The following FBXW7 variants were observed in gnomAD, a reference collection of about 807,000 sequenced individuals.
The protein encoded by FBXW7 is F-box/WD repeat-containing protein 7.
A neutral mutation model predicts 86.3 loss-of-function variants in FBXW7; 11 were observed. The ratio of observed to expected loss-of-function variants is 0.13; its 90% confidence interval spans 0.08 to 0.21. The LOEUF (loss-of-function observed/expected upper bound fraction) is 0.21. Ranked by LOEUF, FBXW7 falls within the 10% of genes least tolerant of loss-of-function variation. The pLI is 1.00. For missense variants in FBXW7, 488 were observed against 847.4 expected, an observed-to-expected ratio of 0.58 and a Z score of 5.27; for synonymous variants, 313 against 297.9, an observed-to-expected ratio of 1.05 and a Z score of -0.52.
In FBXW7 at chr4:152,505,146, T is replaced by G. The variant is rs138445719; in HGVS notation, c.-120+29795A>C. 4.8e-4 allele frequency among the ~76,000 whole-genome samples: 73 copies of G among 152,280 alleles called. 4 individuals carry two copies. The highest frequency in any genetic ancestry group is 4.2e-3 in the Admixed American group (64 of 15,294). ...TGTAGCACAATGATATTAACACATC[T>G]AAATATATAAAAGGTATATTAAAAA... On this transcript the variant is annotated intron_variant, in intron 2 of 13. Coordinates refer to ENST00000281708, the MANE Select transcript of FBXW7 (RefSeq NM_001349798.2).
intron 2 of FBXW7, among the ~76,000 whole-genome samples, chr4:152,424,199 A>G (rs1739180532): frequency 6.6e-6 from 1 of 151,984 alleles, no homozygotes; most frequent in African/African-American, 2.4e-5. Context: ...GTACATTGGG[A>G]TTCGGCAGTA....
At chr4:152,513,337 A>G (rs961907302) in intron 2 of FBXW7, among the ~76,000 whole-genome samples, 2 of 152,370 alleles carry the variant, frequency 1.3e-5, no homozygotes, top group African/African-American at 4.8e-5. Flanking sequence ...TGGTTTAGCA[A>G]TGAGTACATA....
chr4:152,355,603 T>C (rs1419887632), intron 4 of FBXW7, among the ~76,000 whole-genome samples: 1 of 152,116 alleles, frequency 6.6e-6, no homozygotes, highest in East Asian at 1.9e-4. Flanking sequence ...TTTCTCCCAT[T>C]CTATAAAAAA....
intron 2 of FBXW7, among the ~76,000 whole-genome samples, chr4:152,481,751 G>C (rs1744900496): frequency 6.6e-6 from 1 of 152,170 alleles, no homozygotes; most frequent in Non-Finnish European, 1.5e-5. Context: ...GATAGAAATA[G>C]CAAGAGAACT....
chr4:152,328,103 A>T (rs1014744277), intron 11 of FBXW7, 105 bp downstream of exon 11: 1 of 900,716 alleles, frequency 1.1e-6, no homozygotes, highest in Non-Finnish European at 1.7e-6. Context: ...AATTAAATCT[A>T]ATTTAAGAGC....
At chr4:152,517,085 A>C (rs978954853) in intron 2 of FBXW7, among the ~76,000 whole-genome samples, 1 of 152,170 alleles carries the variant, frequency 6.6e-6, no homozygotes, top group Non-Finnish European at 1.5e-5. Context: ...AGCCTCCCAA[A>C]GTGCTAGGAT....
In FBXW7 at chr4:152,432,928, C is replaced by T. The variant is rs180739052; in HGVS notation, c.-119-20399G>A. 4.6e-5 allele frequency among the ~76,000 whole-genome samples: 7 copies of T among 152,270 alleles called. 1 individual carries two copies. Among genetic ancestry groups the T allele is most frequent in the Admixed American group, 4.6e-4 (7 of 15,288 alleles). ...TTAGATAACTACTGTTCCATCAGTG[C>T]AGATTAGTTTTGTGGATTTTGAAAC... On this transcript the variant is annotated intron_variant, in intron 2 of 13. Transcript: ENST00000281708.
intron 2 of FBXW7, among the ~76,000 whole-genome samples, chr4:152,498,267 T>G (rs893322604): frequency 6.7e-5 from 10 of 148,582 alleles, no homozygotes; most frequent in Non-Finnish European, 1.3e-4. Flanking sequence ...CTAGGAAGCA[T>G]GAGAGAAATA....
chr4:152,357,080 C>T (rs1354952900), intron 4 of FBXW7, among the ~76,000 whole-genome samples: 2 of 151,950 alleles, frequency 1.3e-5, no homozygotes, highest in Non-Finnish European at 2.9e-5. Context: ...ACAAGATGAG[C>T]CAGCTTTAGT....
intron 4 of FBXW7, among the ~76,000 whole-genome samples, chr4:152,386,421 G>GT (rs1735532257): frequency 6.6e-6 from 1 of 151,960 alleles, no homozygotes; most frequent in African/African-American, 2.4e-5. Flanking sequence ...CTCACATCTA[G>GT]TAAGTGTTCG....
intron 2 of FBXW7, among the ~76,000 whole-genome samples, chr4:152,509,044 G>A (rs551036840): frequency 6.6e-6 from 1 of 152,136 alleles, no homozygotes; most frequent in South Asian, 2.1e-4. Flanking sequence ...CAAAATTACT[G>A]ACCAGTACTC....
At chr4:152,387,909 T>G (rs1377091471) in intron 4 of FBXW7, among the ~76,000 whole-genome samples, 1 of 151,770 alleles carries the variant, frequency 6.6e-6, no homozygotes, top group African/African-American at 2.4e-5. Flanking sequence ...AGGGTTTTAC[T>G]ATGTTGGCCA....
intron 2 of FBXW7, among the ~76,000 whole-genome samples, chr4:152,486,605 G>T (rs925955925): frequency 6.6e-6 from 1 of 151,972 alleles, no homozygotes; most frequent in African/African-American, 2.4e-5. Context: ...AAGGTCTTCA[G>T]GGACAATAAC....
rs2126525386 is a variant in FBXW7 at position 152,329,717 on chromosome 4, A to T, written c.1191T>A (p.Gly397=). 6.3e-7 allele frequency: 1 copy of T among 1,589,534 alleles called. No homozygotes were observed. The highest frequency in any genetic ancestry group is 8.5e-7 in the Non-Finnish European group (1 of 1,169,652). The change falls in exon 10 of 14, where the codon GGT becomes GGA. Residue 397 remains glycine (G), a synonymous_variant. Transcript: ENST00000281708. ...LQFCGNRIVS[G]SDDNTLKVWS... is the part of the protein sequence containing the mutation. ...AAACTTTTAAAGTGTTGTCATCAGA[A>T]CCACTAACTATTCGGTTACCACAAA...
intron 4 of FBXW7, among the ~76,000 whole-genome samples, chr4:152,359,813 T>C (rs1732759127): frequency 6.6e-6 from 1 of 152,030 alleles, no homozygotes; most frequent in African/African-American, 2.4e-5. Flanking sequence ...AAAGCAATAC[T>C]GGACTATATA....
chr4:152,395,343 C>T (rs887741634), intron 4 of FBXW7, among the ~76,000 whole-genome samples: 2 of 152,026 alleles, frequency 1.3e-5, no homozygotes, highest in African/African-American at 4.8e-5. Context: ...TAAGAGTGGA[C>T]AACCTATATC....
intron 2 of FBXW7, among the ~76,000 whole-genome samples, chr4:152,427,480 G>A (rs1739490156): frequency 6.6e-6 from 1 of 152,164 alleles, no homozygotes. Context: ...TTAAGACCAG[G>A]CTTCCAATTA....
intron 4 of FBXW7, among the ~76,000 whole-genome samples, chr4:152,386,708 G>A (rs1735554341): frequency 6.6e-6 from 1 of 152,052 alleles, no homozygotes; most frequent in African/African-American, 2.4e-5. Context: ...AGATACCACT[G>A]ATCATCCAAG....
intron 4 of FBXW7, chr4:152,353,004 C>T (rs77760587): frequency 1.6e-6 from 2 of 1,236,752 alleles, no homozygotes; most frequent in Non-Finnish European, 2.0e-6. Context: ...GCAGAGACCG[C>T]CCCCACACGA....
Sources: gnomAD v4.1 joint callset for allele counts (sites outside exome capture counted in the v4.1 genomes callset) on GRCh38, gnomAD v4.1.1 for gene constraint, MANE v1.5 for transcripts, NCBI Gene and HGNC (gene_info 2026-07-23, HGNC 2026-07-21) for gene names.